Variants in ARHGAP22 observed in about 807,000 individuals in gnomAD.
ARHGAP22 encodes rho GTPase-activating protein 22.
A neutral mutation model predicts 59.1 loss-of-function variants in ARHGAP22; 48 were observed. The observed-to-expected ratio is 0.81, with a 90% CI of 0.64 to 1.03. The LOEUF is 1.03. Ranked by LOEUF, ARHGAP22 falls within the 50% of genes least tolerant of loss-of-function variation. ARHGAP22 has a pLI of 0.00. For missense variants in ARHGAP22, 1,015 were observed against 958.7 expected, an observed-to-expected ratio of 1.06 and a Z score of -0.78; for synonymous variants, 445 against 416.4, an observed-to-expected ratio of 1.07 and a Z score of -0.84.
At chr10:48,654,537 G>C (rs79288741), upstream of ARHGAP22, among the ~76,000 whole-genome samples, 3,489 of 152,302 alleles carry the variant, frequency 0.023, 122 homozygotes, top group African/African-American at 0.079. Flanking sequence ...AGCCACCTCA[G>C]CTGGTATGGA....
At chr10:48,572,033 T>C (rs961169052) in intron 2 of ARHGAP22, among the ~76,000 whole-genome samples, 1 of 152,056 alleles carries the variant, frequency 6.6e-6, no homozygotes, top group Non-Finnish European at 1.5e-5. Flanking sequence ...AAAAACTGAG[T>C]TCCTGGCTGT....
At chr10:48,518,557 G>A (rs1392347552) in intron 3 of ARHGAP22, among the ~76,000 whole-genome samples, 1 of 152,224 alleles carries the variant, frequency 6.6e-6, no homozygotes, top group East Asian at 1.9e-4. Context: ...AGAAATGAGG[G>A]AAGCAAAAGC....
At chr10:48,571,073 G>A (rs565561835) in intron 2 of ARHGAP22, among the ~76,000 whole-genome samples, 1 of 152,266 alleles carries the variant, frequency 6.6e-6, no homozygotes, top group South Asian at 2.1e-4. Context: ...TAAGGTCTCG[G>A]ATGAACTTTT....
the ARHGAP22 span, chr10:48,437,839 T>C: frequency 6.6e-6 from 1 of 152,250 alleles, no homozygotes; most frequent in African/African-American, 2.4e-5. Context: ...CAAAGAAGCT[T>C]GATGGTGTGC....
intron 9 of ARHGAP22, among the ~76,000 whole-genome samples, chr10:48,449,641 T>C (rs965832219): frequency 2.6e-5 from 4 of 152,350 alleles, no homozygotes; most frequent in South Asian, 2.1e-4. Context: ...CTGGAGAACC[T>C]GGTCTCCAGG....
At chr10:48,582,003 T>A (rs2059149206) in intron 2 of ARHGAP22, among the ~76,000 whole-genome samples, 1 of 152,142 alleles carries the variant, frequency 6.6e-6, no homozygotes, top group Non-Finnish European at 1.5e-5. Context: ...GCTCACAGGG[T>A]TGACACTTCA....
chr10:48,476,453 A>T (rs2048750649), intron 4 of ARHGAP22, among the ~76,000 whole-genome samples: 3 of 152,180 alleles, frequency 2.0e-5, no homozygotes, highest in Non-Finnish European at 2.9e-5. Flanking sequence ...AACAGTCAAA[A>T]AAGGACTGAT....
intron 5 of ARHGAP22, among the ~76,000 whole-genome samples, chr10:48,457,986 G>A (rs1000771575): frequency 6.6e-6 from 1 of 150,810 alleles, no homozygotes; most frequent in African/African-American, 2.4e-5. Flanking sequence ...TCCCTCAGGG[G>A]TGGGTGGGGA....
At chr10:48,456,083 C>T (rs2046471159) in intron 5 of ARHGAP22, among the ~76,000 whole-genome samples, 1 of 152,146 alleles carries the variant, frequency 6.6e-6, no homozygotes, top group Non-Finnish European at 1.5e-5. Flanking sequence ...TAAACGAGAG[C>T]CTTGGCATCT....
chr10:48,555,503 G>A lies in ARHGAP22; in HGVS notation c.282C>T (p.Gly94=). ...AGAGGTGCTTCCCTGGGTCCTCGGG[G>A]CCAGGAGGAAGTTCAGTCACCTGTG... is the stretch of plus-strand genomic sequence containing the variant. ...QGTQVTELPP[G]PEDPGKHLFE... The change falls in exon 3 of 10, where the codon GGC becomes GGT. Residue 94 remains glycine, a synonymous_variant. Coordinates refer to ENST00000249601, the MANE Select transcript of ARHGAP22 (RefSeq NM_021226.4). The A allele has an allele frequency of 6.2e-7, 1 of 1,614,222 alleles. No individual in the cohort carries two copies.
chr10:48,447,660 C>T (rs1233079839), intron 9 of ARHGAP22, among the ~76,000 whole-genome samples: 1 of 152,124 alleles, frequency 6.6e-6, no homozygotes, highest in African/African-American at 2.4e-5. Flanking sequence ...CTCCCCTCTT[C>T]CTTCTCTGTC....
chr10:48,552,757 G>C (rs191625734), intron 3 of ARHGAP22, among the ~76,000 whole-genome samples: 39 of 152,368 alleles, frequency 2.6e-4, no homozygotes, highest in Admixed American at 5.2e-4. Context: ...ATGTGAATGG[G>C]TTTCTTGGCC....
chr10:48,493,585 C>T lies in ARHGAP22; in HGVS notation c.323-13821G>A, dbSNP rs945113523. 3.4e-6 allele frequency: 5 copies of T among 1,490,296 alleles called. No homozygotes were observed. The African/African-American group carries it at 5.5e-5, about 17-fold the overall frequency. 92.3% of individuals were successfully genotyped at this position (1,490,296 alleles called of 1,614,324 possible). On this transcript the variant is annotated intron_variant, in intron 3 of 9. Coordinates refer to ENST00000249601, the MANE Select transcript of ARHGAP22 (RefSeq NM_021226.4). ...ACCAGGTGCACGAGGCACTCCTCCA[C>T]TGCAGGGCTGCGGCCACTCGGCTGC...
intron 2 of ARHGAP22, among the ~76,000 whole-genome samples, chr10:48,567,730 C>G (rs2058138134): frequency 2.0e-5 from 3 of 152,060 alleles, no homozygotes; most frequent in Admixed American, 2.0e-4. Context: ...CCAGTGACCT[C>G]CAGTCTTCTC....
intron 3 of ARHGAP22, chr10:48,493,728 G>A: frequency 1.6e-6 from 2 of 1,229,562 alleles, no homozygotes; most frequent in Non-Finnish European, 2.1e-6. Context: ...GGACTTGCTG[G>A]GATCCCCGCC....
upstream of ARHGAP22, among the ~76,000 whole-genome samples, chr10:48,607,592 G>A (rs1365711481): frequency 6.6e-6 from 1 of 152,150 alleles, no homozygotes; most frequent in East Asian, 1.9e-4. Flanking sequence ...GCAGGGCAAG[G>A]GGATCTGTTG....
At chr10:48,546,039 C>A (rs2056405294) in intron 3 of ARHGAP22, among the ~76,000 whole-genome samples, 2 of 152,202 alleles carry the variant, frequency 1.3e-5, no homozygotes, top group African/African-American at 4.8e-5. Context: ...CTTAAACAGG[C>A]CCCCAAGGCA....
chr10:48,631,914 T>C (rs1359285062), intron 1 of ARHGAP22, among the ~76,000 whole-genome samples: 2 of 152,240 alleles, frequency 1.3e-5, no homozygotes, highest in African/African-American at 2.4e-5. Context: ...ATGAATACTC[T>C]TGGTTTTTGT....
chr10:48,518,197 C>T (rs752751816), intron 3 of ARHGAP22, among the ~76,000 whole-genome samples: 3 of 152,126 alleles, frequency 2.0e-5, no homozygotes, highest in Admixed American at 6.5e-5. Flanking sequence ...CAAGGCTCGA[C>T]CACATCCCAG....
Sources: allele counts gnomAD v4.1 joint callset (sites outside exome capture counted in the v4.1 genomes callset), GRCh38; gene constraint gnomAD v4.1.1; transcripts MANE v1.5; gene names NCBI Gene and HGNC (gene_info 2026-07-23, HGNC 2026-07-21).